The following ACO1 variants were observed in gnomAD, a reference collection of about 807,000 sequenced individuals.
ACO1 encodes cytoplasmic aconitate hydratase.
ACO1 carries 78 observed loss-of-function variants against 105.1 expected under a neutral mutation model. The ratio of observed to expected loss-of-function variants is 0.74; its 90% confidence interval spans 0.62 to 0.90. The LOEUF (loss-of-function observed/expected upper bound fraction) is 0.90. Among genes scored for constraint, ACO1 ranks in the 40% least tolerant of loss-of-function variants. The pLI is 0.00. For missense variants in ACO1, 965 were observed against 1,111.1 expected, an observed-to-expected ratio of 0.87 and a Z score of 1.87; for synonymous variants, 364 against 397.4, an observed-to-expected ratio of 0.92 and a Z score of 1.00.
At chr9:32,429,128 T>G (rs1164112979) in intron 12 of ACO1, among the ~76,000 whole-genome samples, 2 of 152,240 alleles carry the variant, frequency 1.3e-5, no homozygotes, top group Non-Finnish European at 2.9e-5. Flanking sequence ...CTCCTTAGGA[T>G]TATACAATAA....
At chr9:32,427,891 G>A (rs189905151) in intron 12 of ACO1, among the ~76,000 whole-genome samples, 1 of 152,284 alleles carries the variant, frequency 6.6e-6, no homozygotes, top group East Asian at 1.9e-4. Flanking sequence ...TTGTATAGCT[G>A]TTCCAAAATA....
intron 7 of ACO1, among the ~76,000 whole-genome samples, chr9:32,420,548 C>T (rs1415630738): frequency 6.6e-6 from 1 of 152,164 alleles, no homozygotes; most frequent in Non-Finnish European, 1.5e-5. Context: ...ATAATGTTAA[C>T]ATCTTAAATA....
intron 15 of ACO1, among the ~76,000 whole-genome samples, chr9:32,432,867 G>A (rs1212375580): frequency 1.3e-5 from 2 of 152,190 alleles, no homozygotes; most frequent in African/African-American, 4.8e-5. Flanking sequence ...CAGGGTTCCA[G>A]TAAGATGTCA....
At chr9:32,436,185 G>A (rs1241966139) in intron 17 of ACO1, 65 bp from the exon 18 acceptor site, 4 of 1,599,118 alleles carry the variant, frequency 2.5e-6, no homozygotes, top group South Asian at 1.1e-5. Context: ...TCTTTTCTTG[G>A]TGTAAGCTAA....
chr9:32,423,301 C>G lies in ACO1; in HGVS notation c.971-18C>G, dbSNP rs955042744. On this transcript the variant is annotated intron_variant, in intron 8 of 20. Transcript: ENST00000309951. ...ATACTAACCTATGTTACTTGTTACT[C>G]CTTAAAATGCCTTTTAGGTCGTGAT... is the stretch of plus-strand genomic sequence containing the variant. The G allele has an allele frequency of 2.1e-6, 3 of 1,451,746 alleles. No homozygotes were observed. The African/African-American group carries it at 4.3e-5, about 21-fold the overall frequency. 89.9% of individuals were successfully genotyped at this position (1,451,746 alleles called of 1,614,324 possible).
intron 12 of ACO1, among the ~76,000 whole-genome samples, chr9:32,428,173 T>C (rs1311458546): frequency 1.3e-5 from 2 of 150,968 alleles, no homozygotes; most frequent in Non-Finnish European, 3.0e-5. Flanking sequence ...AGTCCCAGCT[T>C]CTCGGGAGGC....
At chr9:32,418,636 C>G in intron 6 of ACO1, 125 bp downstream of exon 6, 1 of 1,120,270 alleles carries the variant, frequency 8.9e-7, no homozygotes, top group Middle Eastern at 2.7e-4. Context: ...TCAGTTTTGT[C>G]ACTGCTGTTT....
At position 32,400,217 on chromosome 9, in the gene ACO1, C is replaced by T. The variant is rs548927344; in HGVS notation, c.-22-5268C>T. Among the ~76,000 whole-genome samples the T allele has an allele frequency of 2.0e-5, 3 of 152,206 alleles. No individual in the cohort carries two copies. In the South Asian group the frequency reaches 6.2e-4, roughly 32 times the overall value. On this transcript the variant is annotated intron_variant, in intron 1 of 20. Transcript: ENST00000309951. ...AACTCCTGACCTGAGGTGATCCGCC[C>T]ATCTCGACCTCCTAAAGTGCTGGGA...
At position 32,424,668 on chromosome 9, in the gene ACO1, A is replaced by G; in HGVS notation, c.1188+3A>G. ...TTGAGAGCTGCCTTGGAGCCAAGGT[A>G]GGGGCCTGCGGGAAGAGGTTGAATC... On this transcript the variant is annotated splice_donor_region_variant and intron_variant, in intron 10 of 20. Transcript: ENST00000309951. The G allele has an allele frequency of 1.2e-6, 2 of 1,609,010 alleles. No individual in the cohort carries two copies. The highest frequency in any genetic ancestry group is 8.5e-7 in the Non-Finnish European group (1 of 1,175,964).
intron 19 of ACO1, among the ~76,000 whole-genome samples, chr9:32,447,467 A>T (rs1331189536): frequency 1.3e-5 from 2 of 152,200 alleles, no homozygotes; most frequent in African/African-American, 4.8e-5. Flanking sequence ...CAATTCGCCT[A>T]ACCTTTTTTC....
intron 1 of ACO1, among the ~76,000 whole-genome samples, chr9:32,389,116 G>A (rs1163824416): frequency 6.6e-6 from 1 of 152,198 alleles, no homozygotes; most frequent in Non-Finnish European, 1.5e-5. Context: ...TTACACTGGT[G>A]TTACAAAATA....
chr9:32,436,091 G>C (rs2118537958), intron 17 of ACO1, 159 bp from the exon 18 acceptor site: 2 of 938,416 alleles, frequency 2.1e-6, no homozygotes, highest in East Asian at 2.6e-5. Context: ...TGAAGCTTTG[G>C]GGACAGCTTT....
chr9:32,446,942 G>C (rs1822623248), intron 19 of ACO1, among the ~76,000 whole-genome samples: 1 of 152,206 alleles, frequency 6.6e-6, no homozygotes, highest in African/African-American at 2.4e-5. Context: ...TGTCTGTAGA[G>C]AGATCCATTG....
rs754642961 is a variant in ACO1, at chr9:32,450,069, C to T, written c.2628C>T (p.Asn876=). The T allele has an allele frequency of 5.2e-5, 84 of 1,613,804 alleles. 1 individual carries two copies. Among genetic ancestry groups the T allele is most frequent in the Admixed American group, 2.5e-4 (15 of 60,004 alleles). ...DTDVELTYFL[N]GGILNYMIRK... ...ATGTGGAGCTCACTTATTTCCTCAA[C>T]GGGGGCATCCTCAACTACATGATCC... is the stretch of plus-strand genomic sequence containing the variant. The change falls in exon 21 of 21, where the codon AAC becomes AAT. Residue 876 remains asparagine, a synonymous_variant. Transcript: ENST00000309951.
chr9:32,385,620 T>C (rs1485005601), intron 1 of ACO1, among the ~76,000 whole-genome samples: 1 of 152,244 alleles, frequency 6.6e-6, no homozygotes, highest in Non-Finnish European at 1.5e-5. Flanking sequence ...TGGCATTGTT[T>C]TACATTTTTG....
chr9:32,429,311 C>T (rs1230803873), intron 12 of ACO1, 108 bp from the exon 13 acceptor site: 1 of 904,348 alleles, frequency 1.1e-6, no homozygotes, highest in Non-Finnish European at 1.8e-6. Flanking sequence ...TTAGTTCATG[C>T]ACTGCAATTC....
Position 32,436,238 on chromosome 9 carries a change from T to A in ACO1, c.2100-12T>A. ...TTCACTAAGCCAGCTCCTTTCTTGC[T>A]TGCCTTCTTAGCCTAACTCCACGAG... is the stretch of plus-strand genomic sequence containing the variant. On this transcript the variant is annotated splice_polypyrimidine_tract_variant and intron_variant, in intron 17 of 20. Coordinates refer to ENST00000309951, the MANE Select transcript of ACO1 (RefSeq NM_002197.3). 1.2e-6 allele frequency: 2 copies of A among 1,613,740 alleles called. No individual in the cohort carries two copies. The highest frequency in any genetic ancestry group is 1.7e-6 in the Non-Finnish European group (2 of 1,179,590).
At position 32,429,401 on chromosome 9, in the gene ACO1, T is replaced by C; in HGVS notation, c.1485-18T>C. On this transcript the variant is annotated intron_variant, in intron 12 of 20. Transcript: ENST00000309951. Reference sequence around the variant, plus strand: ...TTATTCTTTTTTTGTGTGTGTGTGCTTCTCTCTTGGTGTCTAGGTTTGACG... The same window carrying C: ...TTATTCTTTTTTTGTGTGTGTGTGCCTCTCTCTTGGTGTCTAGGTTTGACG... 1 of 1,612,736 alleles carries C rather than the reference T, an allele frequency of 6.2e-7. No homozygotes were observed.
In ACO1 at chr9:32,414,856, C is replaced by T. The variant is rs531499014; in HGVS notation, c.405-3272C>T. Among the ~76,000 whole-genome samples the T allele has an allele frequency of 2.6e-5, 4 of 152,128 alleles. No individual in the cohort carries two copies. The East Asian group carries it at 7.7e-4, about 29-fold the overall frequency. On this transcript the variant is annotated intron_variant, in intron 4 of 20. Transcript: ENST00000309951. Reference sequence around the variant, plus strand: ...TCCATTTAGCAGATCTATTATGTGCCAGTATTTATTCCAGAAACAGATTAT... The same window carrying T: ...TCCATTTAGCAGATCTATTATGTGCTAGTATTTATTCCAGAAACAGATTAT...
Sources: allele counts gnomAD v4.1 joint callset (sites outside exome capture counted in the v4.1 genomes callset), GRCh38; gene constraint gnomAD v4.1.1; transcripts MANE v1.5; gene names NCBI Gene and HGNC (gene_info 2026-07-23, HGNC 2026-07-21).